The following ATP13A3 variants were observed in gnomAD, a reference collection of about 807,000 sequenced individuals.
ATP13A3 encodes polyamine-transporting ATPase 13A3.
Under a neutral mutation model 158.1 loss-of-function variants are expected in ATP13A3, and 59 were observed. That is an observed-to-expected ratio of 0.37 (90% CI 0.30 to 0.46). ATP13A3 has a LOEUF of 0.46. Among genes scored for constraint, ATP13A3 ranks in the 20% least tolerant of loss-of-function variants. ATP13A3 has a pLI of 1.00. For missense variants in ATP13A3, 1,166 were observed against 1,525.2 expected, an observed-to-expected ratio of 0.76 and a Z score of 3.92; for synonymous variants, 491 against 504.3, an observed-to-expected ratio of 0.97 and a Z score of 0.35.
chr3:194,490,972 C>G (rs1007356577), upstream of ATP13A3, among the ~76,000 whole-genome samples: 2 of 152,178 alleles, frequency 1.3e-5, no homozygotes, highest in African/African-American at 4.8e-5. The surrounding 1 kb of genome is among the most constrained non-coding windows in gnomAD (Gnocchi z 4.4). Context: ...ATGGTGAAAC[C>G]CCATCCACTA....
intron 10 of ATP13A3, chr3:194,451,035 C>T (rs1159366017): frequency 6.6e-6 from 1 of 152,198 alleles, no homozygotes; most frequent in African/African-American, 2.4e-5. Context: ...TTCTCTAACA[C>T]CCTCCCTCTC....
At chr3:194,484,447 A>G (rs2109076899) in intron 2 of ATP13A3, among the ~76,000 whole-genome samples, 1 of 152,302 alleles carries the variant, frequency 6.6e-6, no homozygotes, top group Middle Eastern at 3.4e-3. Flanking sequence ...AATATGCTTT[A>G]TTCCTAAGAT....
At chr3:194,407,076 T>A (rs1162588841) in intron 33 of ATP13A3, among the ~76,000 whole-genome samples, 1 of 152,162 alleles carries the variant, frequency 6.6e-6, no homozygotes, top group Non-Finnish European at 1.5e-5. Flanking sequence ...AAATGTAAAC[T>A]CAATAGAGGG....
At chr3:194,456,459 AGAGT>A (rs1351377238) in intron 7 of ATP13A3, among the ~76,000 whole-genome samples, 1 of 152,118 alleles carries the variant, frequency 6.6e-6, no homozygotes, top group Non-Finnish European at 1.5e-5. Flanking sequence ...TCTATATGAT[AGAGT>A]AATTCTAGAC....
chr3:194,493,627 G>A (rs1402468867), intron 2 of ATP13A3, among the ~76,000 whole-genome samples: 1 of 151,706 alleles, frequency 6.6e-6, no homozygotes, highest in African/African-American at 2.4e-5. Flanking sequence ...AGCCTGGCAA[G>A]ACTCCATCTC....
chr3:194,491,063 G>T (rs1721140634), upstream of ATP13A3, among the ~76,000 whole-genome samples: 1 of 152,194 alleles, frequency 6.6e-6, no homozygotes, highest in Non-Finnish European at 1.5e-5. Context: ...AGAATCACTT[G>T]AACCCAGGAG....
chr3:194,417,988 G>GAA (rs57628585), intron 31 of ATP13A3, among the ~76,000 whole-genome samples: 1,371 of 106,002 alleles, frequency 0.013, 25 homozygotes, highest in African/African-American at 0.067. Flanking sequence ...AGGAAGGAAG[G>GAA]GAGGGAGGGA....
At position 194,448,439 on chromosome 3, in the gene ATP13A3, A is replaced by T; in HGVS notation, c.1150+18T>A. The T allele has an allele frequency of 1.2e-6, 2 of 1,605,990 alleles. No individual in the cohort carries two copies. The highest frequency in any genetic ancestry group is 2.2e-5 in the South Asian group (2 of 90,742). ...ATGCTGAAACATGCAAAAAGAGATT[A>T]ATTAAGATGTTTCCTACCTGTTCTA... On this transcript the variant is annotated intron_variant, in intron 12 of 33. Coordinates refer to ENST00000645319, the MANE Select transcript of ATP13A3 (RefSeq NM_001367549.1). The surrounding 1 kb of genome is among the most constrained non-coding windows in gnomAD (Gnocchi z 4.0).
At chr3:194,471,239 A>C (rs1720286463) in intron 2 of ATP13A3, among the ~76,000 whole-genome samples, 1 of 150,648 alleles carries the variant, frequency 6.6e-6, no homozygotes, top group Non-Finnish European at 1.5e-5. Context: ...ACTTCTATTA[A>C]TTAGATTTAT....
In ATP13A3 at chr3:194,403,924, G is replaced by T. The variant is rs1714771310; in HGVS notation, c.*1995C>A. ...CTCTAAATGTTAAAAAAGTGGGGGG[G>T]GGGTGTCAAAAATAGCTCTTTATGA... is the stretch of plus-strand genomic sequence containing the variant. On this transcript the variant is annotated 3_prime_UTR_variant, in exon 34 of 34. Transcript: ENST00000645319. 3.1e-6 allele frequency: 1 copy of T among 318,070 alleles called. No individual in the cohort carries two copies. Among genetic ancestry groups the T allele is most frequent in the Non-Finnish European group, 6.1e-6 (1 of 163,948 alleles). The allele number at this position is 318,070 out of a possible 1,614,324, so 19.7% of individuals were successfully genotyped here. A position where few individuals can be genotyped will look rare whatever the true frequency, so the allele number is the denominator to read the frequency against.
chr3:194,449,463 T>A (rs1718649647), intron 11 of ATP13A3, among the ~76,000 whole-genome samples: 1 of 152,170 alleles, frequency 6.6e-6, no homozygotes, highest in Non-Finnish European at 1.5e-5. Flanking sequence ...ATGGATCACC[T>A]GAGGACAGGA....
At chr3:194,473,476 T>C (rs1476935358) in intron 2 of ATP13A3, among the ~76,000 whole-genome samples, 1 of 142,214 alleles carries the variant, frequency 7.0e-6, no homozygotes, top group African/African-American at 2.9e-5. Flanking sequence ...TATTTGCCCA[T>C]TAAATTGGTG....
chr3:194,411,375 A>G (rs1715415731), intron 33 of ATP13A3, among the ~76,000 whole-genome samples: 1 of 152,170 alleles, frequency 6.6e-6, no homozygotes, highest in African/African-American at 2.4e-5. Flanking sequence ...ATCTCTAAAG[A>G]AAAATGGGTA....
chr3:194,467,356 T>C (rs1720054245), intron 2 of ATP13A3, among the ~76,000 whole-genome samples: 1 of 152,240 alleles, frequency 6.6e-6, no homozygotes, highest in Non-Finnish European at 1.5e-5. Context: ...AATGAGCTTA[T>C]TATAGGCAGT....
In ATP13A3 at chr3:194,427,220, C is replaced by T; in HGVS notation, c.2980G>A (p.Ala994Thr). 6.2e-7 allele frequency: 1 copy of T among 1,606,444 alleles called. No homozygotes were observed. Among genetic ancestry groups the T allele is most frequent in the Admixed American group, 1.7e-5 (1 of 57,714 alleles). Residue 994 changes from alanine to threonine, a missense_variant, in exon 29 of 34, where the codon GCA becomes ACA. Around this residue, in one of 3 missense-constraint regions of ATP13A3, gnomAD observed 997 missense variants for 1,341.2 expected, o/e 0.74. Transcript: ENST00000645319. The stretch of plus-strand genomic sequence containing the variant: ...ATAAGACCCGAAGGTGGTCTTTGTG[C>T]CACAAGTTCTTTCCAGGCAGGATTT... Reference protein sequence around the residue: ...SLNPAWKELVAQRPPSGLISG... With the variant: ...SLNPAWKELVTQRPPSGLISG...
chr3:194,486,373 C>A (rs569764616), intron 1 of ATP13A3, among the ~76,000 whole-genome samples, 193 bp downstream of exon 1: 15 of 151,878 alleles, frequency 9.9e-5, no homozygotes, highest in African/African-American at 3.6e-4. Flanking sequence ...GCGTCCCCCC[C>A]AGGCCTTCGC....
At chr3:194,453,955 C>T (rs1560101185) in intron 9 of ATP13A3, among the ~76,000 whole-genome samples, 177 bp from the exon 10 acceptor site, 3 of 152,136 alleles carry the variant, frequency 2.0e-5, no homozygotes, top group African/African-American at 7.2e-5. Flanking sequence ...ACAAGAAGCA[C>T]TTTAACAGGA....
chr3:194,492,894 T>A (rs1721162492), intron 2 of ATP13A3, among the ~76,000 whole-genome samples: 1 of 152,186 alleles, frequency 6.6e-6, no homozygotes, highest in Non-Finnish European at 1.5e-5. Context: ...TATGTAAGAT[T>A]GAAAAAATAA....
At chr3:194,421,114 G>GTGTGTGTATATA (rs774431656) in intron 30 of ATP13A3, among the ~76,000 whole-genome samples, 90 of 8,108 alleles carry the variant, frequency 0.011, 3 homozygotes, top group East Asian at 0.11. Flanking sequence ...TGTGTAGGGT[G>GTGTGTGTATATA]TATATATATA....
Sources: gnomAD v4.1 joint callset for allele counts (sites outside exome capture counted in the v4.1 genomes callset) on GRCh38, gnomAD v4.1.1 for gene constraint, gnomAD v4.1.1 regional missense constraint, Gnocchi (gnomAD v3.1) non-coding constraint, MANE v1.5 for transcripts, NCBI Gene and HGNC (gene_info 2026-07-23, HGNC 2026-07-21) for gene names.